The following RBFOX1 variants were observed in gnomAD, a reference collection of about 807,000 sequenced individuals.
RBFOX1 encodes the protein RNA binding protein fox-1 homolog 1.
RBFOX1 carries 8 observed loss-of-function variants against 57.7 expected under a neutral mutation model. The ratio of observed to expected loss-of-function variants is 0.14; its 90% CI spans 0.08 to 0.25. The LOEUF is 0.25. RBFOX1 is among the 10% of genes least tolerant of loss of function. RBFOX1 has a pLI of 1.00. For synonymous variants in RBFOX1, 326 were observed against 222.4 expected (o/e 1.47, Z -4.15); for missense variants, 611 against 548.5 (o/e 1.11, Z -1.14).
chr16:5,252,802 C>A (rs971965748), intron 1 of RBFOX1, among the ~76,000 whole-genome samples: 4 of 152,220 alleles, frequency 2.6e-5, no homozygotes, highest in African/African-American at 9.7e-5. Flanking sequence ...CTGCAAGGGG[C>A]CTGCAGATGA....
At chr16:5,597,807 C>T (rs183494698) in intron 2 of RBFOX1, among the ~76,000 whole-genome samples, 281 of 152,226 alleles carry the variant, frequency 1.8e-3, no homozygotes, top group African/African-American at 6.5e-3. Context: ...GGGAATACTA[C>T]GACGGTGATT....
intron 3 of RBFOX1, among the ~76,000 whole-genome samples, chr16:7,046,136 TCA>T (rs1478023525): frequency 6.6e-6 from 1 of 152,144 alleles, no homozygotes; most frequent in African/African-American, 2.4e-5. Flanking sequence ...AGCATTGCCC[TCA>T]GTCTTTAATT....
chr16:6,987,436 C>T (rs998308979), intron 3 of RBFOX1, among the ~76,000 whole-genome samples: 1 of 148,290 alleles, frequency 6.7e-6, no homozygotes, highest in Non-Finnish European at 1.5e-5. Context: ...TATCTCAGGA[C>T]AGCAACAGAA....
intron 4 of RBFOX1, among the ~76,000 whole-genome samples, chr16:7,359,192 C>G (rs1433038769): frequency 6.6e-6 from 1 of 152,192 alleles, no homozygotes; most frequent in Non-Finnish European, 1.5e-5. Context: ...CAGAACCTCT[C>G]TTATCTGAGC....
chr16:7,030,508 G>A (rs1011484861), intron 3 of RBFOX1, among the ~76,000 whole-genome samples: 1 of 152,106 alleles, frequency 6.6e-6, no homozygotes, highest in Admixed American at 6.5e-5. Flanking sequence ...AGTGGCTCCA[G>A]GCGTTCCTTG....
chr16:6,398,433 GTAAC>G (rs1435225541), intron 2 of RBFOX1, among the ~76,000 whole-genome samples: 1 of 152,078 alleles, frequency 6.6e-6, no homozygotes, highest in Non-Finnish European at 1.5e-5. Flanking sequence ...CTGAGACAAA[GTAAC>G]TCTGTTCTGC....
At chr16:7,073,987 T>C (rs147296025) in intron 4 of RBFOX1, among the ~76,000 whole-genome samples, 1,538 of 152,362 alleles carry the variant, frequency 0.01, 29 homozygotes, top group African/African-American at 0.035. Flanking sequence ...TCTTATTTCA[T>C]TGGAATATAG....
chr16:6,350,742 T>C (rs2086219190), intron 2 of RBFOX1, among the ~76,000 whole-genome samples: 2 of 152,112 alleles, frequency 1.3e-5, no homozygotes, highest in South Asian at 2.1e-4. Flanking sequence ...TTAACAACAC[T>C]AGGAGGTAGG....
intron 4 of RBFOX1, among the ~76,000 whole-genome samples, chr16:7,294,066 A>T (rs1417682383): frequency 6.6e-6 from 1 of 152,196 alleles, no homozygotes; most frequent in African/African-American, 2.4e-5. Context: ...AAAGAGGAAA[A>T]AGAGAATCTT....
intron 4 of RBFOX1, among the ~76,000 whole-genome samples, chr16:5,915,754 C>G (rs1056587473): frequency 1.3e-5 from 2 of 152,080 alleles, no homozygotes; most frequent in Non-Finnish European, 2.9e-5. Flanking sequence ...ATTGCTTGAA[C>G]CCTTGAGGTG....
chr16:6,282,769 T>C (rs1014179656), intron 1 of RBFOX1, among the ~76,000 whole-genome samples: 1 of 152,188 alleles, frequency 6.6e-6, no homozygotes, highest in Non-Finnish European at 1.5e-5. Context: ...AACAATCTCT[T>C]AGCTTCCTAT....
chr16:5,789,921 T>C (rs1297447514), intron 3 of RBFOX1, among the ~76,000 whole-genome samples: 1 of 152,226 alleles, frequency 6.6e-6, no homozygotes, highest in Admixed American at 6.5e-5. Flanking sequence ...GTGTATGGGC[T>C]GTGCTAGCTG....
At chr16:5,327,077 A>T (rs538547479) in intron 1 of RBFOX1, among the ~76,000 whole-genome samples, 1 of 152,296 alleles carries the variant, frequency 6.6e-6, no homozygotes, top group African/African-American at 2.4e-5. Flanking sequence ...GAACAAGGAG[A>T]TCGGTAGTTC....
At position 6,034,331 on chromosome 16, in the gene RBFOX1, CAAA is replaced by C. The variant is rs757260576; in HGVS notation, c.-127+14363_-127+14365del. Among the ~76,000 whole-genome samples, 8 of 37,122 alleles carry C rather than the reference CAAA, an allele frequency of 2.2e-4. No homozygotes were observed. In the South Asian group the frequency reaches 3.9e-3, roughly 18 times the overall value. The allele number at this position is 37,122 out of a possible 152,430, so 24.4% of individuals were successfully genotyped here. A position where few individuals can be genotyped will look rare whatever the true frequency, so the allele number is the denominator to read the frequency against. On this transcript the variant is annotated intron_variant, in intron 1 of 15. Transcript: ENST00000550418. ...TGGGTGACAGAGCGAGACTGTTGCG[CAAA>C]AAAAAAAAAAAAAAAAAAAAAAAGA...
chr16:7,501,888 C>T (rs1238664634), intron 4 of RBFOX1, among the ~76,000 whole-genome samples: 2 of 152,152 alleles, frequency 1.3e-5, no homozygotes, highest in Non-Finnish European at 2.9e-5. Flanking sequence ...TATAGAGGTA[C>T]CTGGGCTATG....
chr16:5,742,801 G>A (rs914342809), intron 3 of RBFOX1, among the ~76,000 whole-genome samples: 2 of 152,158 alleles, frequency 1.3e-5, no homozygotes, highest in African/African-American at 2.4e-5. Context: ...CCAGAAATGG[G>A]ACTAAAGGTA....
At chr16:6,845,152 C>G (rs77649236) in intron 3 of RBFOX1, among the ~76,000 whole-genome samples, 1 of 15,466 alleles carries the variant, frequency 6.5e-5, no homozygotes, top group Non-Finnish European at 1.8e-4. Flanking sequence ...CTGGTAGTTT[C>G]TTTTTCTGCA....
chr16:6,341,945 A>G (rs2152828435), intron 2 of RBFOX1, among the ~76,000 whole-genome samples: 1 of 152,334 alleles, frequency 6.6e-6, no homozygotes, highest in Admixed American at 6.5e-5. Context: ...GCGTAAGGTC[A>G]ACTGATTAGC....
intron 1 of RBFOX1, among the ~76,000 whole-genome samples, chr16:6,279,104 T>C (rs1021934401): frequency 6.6e-6 from 1 of 152,198 alleles, no homozygotes; most frequent in African/African-American, 2.4e-5. Context: ...CTCTCACTTA[T>C]TTCAATCTTA....
Sources: gnomAD v4.1 joint callset for allele counts (sites outside exome capture counted in the v4.1 genomes callset) on GRCh38, gnomAD v4.1.1 for gene constraint, MANE v1.5 for transcripts, NCBI Gene and HGNC (gene_info 2026-07-23, HGNC 2026-07-21) for gene names.